Variants in LARP4B observed in about 807,000 individuals in gnomAD.
LARP4B encodes La ribonucleoprotein 4B.
A neutral mutation model predicts 89.8 loss-of-function variants in LARP4B; 12 were observed. The ratio of observed to expected loss-of-function variants is 0.13; its 90% CI spans 0.09 to 0.22. The LOEUF is 0.22. Among genes scored for constraint, LARP4B ranks in the 10% least tolerant of loss-of-function variants. The probability of loss-of-function intolerance (pLI) is 1.00; values close to 1 mark genes in which losing one functional copy is unlikely to be tolerated. For synonymous variants in LARP4B, 367 were observed against 363.3 expected, an observed-to-expected ratio of 1.01 and a Z score of -0.12; for missense variants, 757 against 947.7, an observed-to-expected ratio of 0.80 and a Z score of 2.64.
chr10:874,220 G>C (rs575773936), intron 3 of LARP4B, among the ~76,000 whole-genome samples: 35 of 148,550 alleles, frequency 2.4e-4, no homozygotes, highest in Middle Eastern at 3.2e-3. Context: ...GGTGACAAGA[G>C]TGAGACTCCA....
the LARP4B span, among the ~76,000 whole-genome samples, chr10:956,500 C>A: frequency 6.6e-6 from 1 of 152,070 alleles, no homozygotes; most frequent in African/African-American, 2.4e-5. The surrounding 1 kb of genome is among the most constrained non-coding windows in gnomAD (Gnocchi z 4.3). Context: ...CGCCCGCCAC[C>A]ACGCCCAGCT....
rs565839335 is a variant in LARP4B, at chr10:845,387, C to A, written c.431-332G>T. Among the ~76,000 whole-genome samples the A allele has an allele frequency of 4.6e-5, 7 of 152,230 alleles. No individual in the cohort carries two copies. The South Asian group carries it at 1.0e-3, about 23-fold the overall frequency. On this transcript the variant is annotated intron_variant, in intron 5 of 17. Coordinates refer to ENST00000316157, the MANE Select transcript of LARP4B (RefSeq NM_015155.3). Reference sequence around the variant, plus strand: ...AAAAAGAATTTTCAAGTAACCTACACAAACACAAACCCTAAACAATAATAA... The same window carrying A: ...AAAAAGAATTTTCAAGTAACCTACAAAAACACAAACCCTAAACAATAATAA...
intron 15 of LARP4B, among the ~76,000 whole-genome samples, chr10:816,706 A>C (rs1464774366): frequency 6.6e-6 from 1 of 152,210 alleles, no homozygotes; most frequent in African/African-American, 2.4e-5. Context: ...ACGGTGTGGA[A>C]ATTTAAGGCT....
At chr10:823,814 G>A (rs982432854) in intron 13 of LARP4B, among the ~76,000 whole-genome samples, 2 of 151,958 alleles carry the variant, frequency 1.3e-5, no homozygotes, top group African/African-American at 2.4e-5. Context: ...GACACGGTGG[G>A]CCCCTTTTGG....
At chr10:969,388 T>A in the LARP4B span, among the ~76,000 whole-genome samples, 1 of 152,108 alleles carries the variant, frequency 6.6e-6, no homozygotes, top group Non-Finnish European at 1.5e-5. Flanking sequence ...TTATAAAAGC[T>A]TGGAAGAATG....
chr10:949,747 C>T, the LARP4B span, among the ~76,000 whole-genome samples: 2 of 152,194 alleles, frequency 1.3e-5, no homozygotes, highest in Non-Finnish European at 2.9e-5. Flanking sequence ...ATTTGCCATT[C>T]GTATCCTCTT....
the LARP4B span, among the ~76,000 whole-genome samples, chr10:959,835 CGT>C: frequency 2.3e-4 from 31 of 132,266 alleles, no homozygotes; most frequent in Non-Finnish European, 4.0e-4. Context: ...CCCACCTCCT[CGT>C]CATTCCCACC....
intron 14 of LARP4B, chr10:820,417 A>C (rs1832292288): frequency 5.5e-6 from 1 of 182,386 alleles, no homozygotes; most frequent in African/African-American, 2.4e-5. Flanking sequence ...GCTCCGTGGA[A>C]GATGCTTACT....
intron 1 of LARP4B, among the ~76,000 whole-genome samples, chr10:887,014 G>A (rs1835876392): frequency 6.6e-6 from 1 of 152,146 alleles, no homozygotes; most frequent in African/African-American, 2.4e-5. Flanking sequence ...TTGAACCCGG[G>A]AAGCAGGGGT....
At chr10:857,471 C>CA (rs1834359535) in intron 5 of LARP4B, among the ~76,000 whole-genome samples, 1 of 152,146 alleles carries the variant, frequency 6.6e-6, no homozygotes, top group African/African-American at 2.4e-5. Flanking sequence ...GCCTCAGAAA[C>CA]AAAAGTTTTT....
chr10:893,117 T>C (rs1334003919), intron 1 of LARP4B, among the ~76,000 whole-genome samples: 1 of 150,928 alleles, frequency 6.6e-6, no homozygotes, highest in East Asian at 2.0e-4. Context: ...TTTTGTCATG[T>C]TGGTCAGGCT....
chr10:957,578 A>C, the LARP4B span, among the ~76,000 whole-genome samples: 2 of 152,022 alleles, frequency 1.3e-5, no homozygotes, highest in African/African-American at 4.8e-5. Flanking sequence ...TTATTGTTAG[A>C]CTTTGTATAC....
chr10:878,660 CAT>C (rs571848972), intron 3 of LARP4B, among the ~76,000 whole-genome samples: 1 of 152,140 alleles, frequency 6.6e-6, no homozygotes, highest in Admixed American at 6.5e-5. Flanking sequence ...TTTCCACACA[CAT>C]GTAAGGACAC....
intron 1 of LARP4B, among the ~76,000 whole-genome samples, chr10:906,972 G>T (rs1056746892): frequency 6.6e-6 from 1 of 152,168 alleles, no homozygotes; most frequent in African/African-American, 2.4e-5. Context: ...TAAAGCGAGG[G>T]ACTCGCAACT....
intron 1 of LARP4B, among the ~76,000 whole-genome samples, chr10:899,313 T>C (rs1419405143): frequency 1.3e-5 from 2 of 152,204 alleles, no homozygotes; most frequent in Non-Finnish European, 2.9e-5. Flanking sequence ...GAGAGTGTGC[T>C]GTATGGGAGC....
chr10:982,927 C>T, the LARP4B span, among the ~76,000 whole-genome samples: 1 of 152,180 alleles, frequency 6.6e-6, no homozygotes, highest in Non-Finnish European at 1.5e-5. Flanking sequence ...GGAATTCCTA[C>T]TTTGTCAGTC....
At chr10:843,747 T>G (rs1213337981) in intron 6 of LARP4B, among the ~76,000 whole-genome samples, 2 of 151,688 alleles carry the variant, frequency 1.3e-5, no homozygotes, top group Non-Finnish European at 2.9e-5. Context: ...TCCAGCTCAA[T>G]GAACAAGAAA....
chr10:885,034 T>C (rs768783290), intron 2 of LARP4B, among the ~76,000 whole-genome samples: 1 of 152,124 alleles, frequency 6.6e-6, no homozygotes, highest in African/African-American at 2.4e-5. Context: ...CTCAGGACTT[T>C]CTCCCCAAAA....
At chr10:939,200 G>A in the LARP4B span, among the ~76,000 whole-genome samples, 1 of 152,350 alleles carries the variant, frequency 6.6e-6, no homozygotes, top group African/African-American at 2.4e-5. Flanking sequence ...AAGCCAGGGA[G>A]GCTGCAGTGG....
Sources: gnomAD v4.1 joint callset for allele counts (sites outside exome capture counted in the v4.1 genomes callset) on GRCh38, gnomAD v4.1.1 for gene constraint, Gnocchi (gnomAD v3.1) non-coding constraint, MANE v1.5 for transcripts, NCBI Gene and HGNC (gene_info 2026-07-23, HGNC 2026-07-21) for gene names.